The following NKD1 variants were observed in gnomAD, a reference collection of about 807,000 sequenced individuals.
NKD1 encodes the protein NKD inhibitor of Wnt signaling pathway 1, also known as protein naked cuticle homolog 1.
Under a neutral mutation model 56.0 loss-of-function variants are expected in NKD1, and 21 were observed. That is an observed-to-expected ratio of 0.38 (90% confidence interval 0.27 to 0.54). The LOEUF (loss-of-function observed/expected upper bound fraction) is 0.54, where lower values mean the gene tolerates loss of function less well. Among genes scored for constraint, NKD1 ranks in the 20% least tolerant of loss-of-function variants. The pLI, the probability that NKD1 is intolerant of heterozygous loss-of-function variation, is 0.82. For synonymous variants in NKD1, 263 were observed against 265.7 expected, an observed-to-expected ratio of 0.99 and a Z score of 0.10; for missense variants, 578 against 642.7, an observed-to-expected ratio of 0.90 and a Z score of 1.09.
At chr16:50,613,077 A>T (rs1038790678) in intron 4 of NKD1, among the ~76,000 whole-genome samples, 8 of 152,038 alleles carry the variant, frequency 5.3e-5, no homozygotes, top group African/African-American at 1.4e-4. Flanking sequence ...GAGATCAGGG[A>T]TGCATCTTAG....
At chr16:50,548,909 C>A in intron 2 of NKD1, 160 bp downstream of exon 2, 2 of 861,360 alleles carry the variant, frequency 2.3e-6, no homozygotes, top group Non-Finnish European at 2.8e-6. Flanking sequence ...CCTTCGCGCC[C>A]CCTCCTCTGT....
chr16:50,589,718 T>TCTTCC, intron 3 of NKD1, among the ~76,000 whole-genome samples: 1 of 53,266 alleles, frequency 1.9e-5, no homozygotes, highest in South Asian at 9.5e-4. Flanking sequence ...TCTTCTCTTC[T>TCTTCC]CTTCTCTTCT....
chr16:50,557,499 C>T (rs528921541), intron 3 of NKD1: 1 of 152,174 alleles, frequency 6.6e-6, no homozygotes, highest in Admixed American at 6.5e-5. Context: ...AAGTATGATA[C>T]TTTTTGTTTA....
chr16:50,595,730 A>G (rs556192024), intron 3 of NKD1, among the ~76,000 whole-genome samples: 2 of 152,190 alleles, frequency 1.3e-5, no homozygotes, highest in African/African-American at 4.8e-5. Context: ...CACTGCCATG[A>G]AGACCTTCTT....
intron 3 of NKD1, among the ~76,000 whole-genome samples, chr16:50,577,933 T>C (rs1961026041): frequency 6.6e-6 from 1 of 152,240 alleles, no homozygotes; most frequent in South Asian, 2.1e-4. Flanking sequence ...TTGAGCTTCT[T>C]ACCCCAGTGA....
At chr16:50,571,040 G>A (rs1234540088) in intron 3 of NKD1, 4 of 971,658 alleles carry the variant, frequency 4.1e-6, no homozygotes, top group African/African-American at 1.8e-5. Context: ...GGGCCAGGCT[G>A]TGCTGGACAT....
chr16:50,580,944 C>G (rs1220287628), intron 3 of NKD1, among the ~76,000 whole-genome samples: 1 of 152,142 alleles, frequency 6.6e-6, no homozygotes, highest in African/African-American at 2.4e-5. Flanking sequence ...TTCTATTTCT[C>G]TCATAGGAAA....
At chr16:50,562,611 A>G (rs1251172862) in intron 3 of NKD1, among the ~76,000 whole-genome samples, 1 of 152,186 alleles carries the variant, frequency 6.6e-6, no homozygotes, top group Non-Finnish European at 1.5e-5. Flanking sequence ...AGGACCACCT[A>G]CATCTGAATC....
At chr16:50,571,530 G>T (rs1346965665) in intron 3 of NKD1, 1 of 985,198 alleles carries the variant, frequency 1.0e-6, no homozygotes, top group Non-Finnish European at 1.2e-6. Context: ...ACCCATCTGC[G>T]CTCCCAGCCT....
In NKD1 at chr16:50,592,475, G is replaced by A. The variant is rs188942757; in HGVS notation, c.193-15819G>A. Among the ~76,000 whole-genome samples, 3 of 152,304 alleles carry A rather than the reference G, an allele frequency of 2.0e-5. No individual in the cohort carries two copies. In the East Asian group the frequency reaches 5.8e-4, roughly 29 times the overall value. On this transcript the variant is annotated intron_variant, in intron 3 of 9. Transcript: ENST00000268459. ...CAGAGAGGAGGAAGAGAGGGTTAGC[G>A]GTGTCCTTTTTTGTCTGCTATTTTA...
chr16:50,638,884 C>T lies in NKD1; in HGVS notation c.*5103C>T, dbSNP rs980627498. 1 of 152,200 alleles carries T rather than the reference C, an allele frequency of 6.6e-6. No individual in the cohort carries two copies. Among genetic ancestry groups the T allele is most frequent in the Non-Finnish European group, 1.5e-5 (1 of 68,060 alleles). The allele number at this position is 152,200 out of a possible 1,614,324, so 9.4% of individuals were successfully genotyped here. On this transcript the variant is annotated 3_prime_UTR_variant, in exon 10 of 10. Transcript: ENST00000268459. Reference sequence around the variant, plus strand: ...TGACCAGCCAATGGGATTCCTCTTCCCTCCACTGTCTCCCACAAAGTAGAA... The same window carrying T: ...TGACCAGCCAATGGGATTCCTCTTCTCTCCACTGTCTCCCACAAAGTAGAA...
chr16:50,548,831 C>A, intron 2 of NKD1, 82 bp downstream of exon 2: 2 of 1,309,018 alleles, frequency 1.5e-6, no homozygotes, highest in Non-Finnish European at 1.9e-6. Context: ...CCCGCCAGGT[C>A]TTATGACCAG....
rs536863710 is a variant in NKD1 at position 50,643,569 on chromosome 16, T to C, written c.*9788T>C. The C allele has an allele frequency of 2.0e-5, 3 of 152,316 alleles. No individual in the cohort carries two copies. In the South Asian group the frequency reaches 6.2e-4, roughly 32 times the overall value. The allele number at this position is 152,316 out of a possible 1,614,324, so 9.4% of individuals were successfully genotyped here. On this transcript the variant is annotated 3_prime_UTR_variant, in exon 10 of 10. Transcript: ENST00000268459. ...TGGTCCCCTTCATTCATAACATTGATCATGTTTGTAACTGTAGTTGATTCT... is the reference window on the plus strand; with the variant it reads ...TGGTCCCCTTCATTCATAACATTGACCATGTTTGTAACTGTAGTTGATTCT...
At chr16:50,617,965 T>G (rs1961999995) in intron 4 of NKD1, among the ~76,000 whole-genome samples, 1 of 152,148 alleles carries the variant, frequency 6.6e-6, no homozygotes, top group Non-Finnish European at 1.5e-5. Context: ...TTGCAACAGT[T>G]CAACTCTGCT....
chr16:50,591,339 G>A (rs1342192767), intron 3 of NKD1, among the ~76,000 whole-genome samples: 1 of 152,210 alleles, frequency 6.6e-6, no homozygotes, highest in Non-Finnish European at 1.5e-5. Flanking sequence ...CTGGGTTGAT[G>A]CAGAGTTGAG....
rs1962132977 is a variant in NKD1 at position 50,623,232 on chromosome 16, C to CT, written c.366+1524_366+1525insT. ...AGGGTCTCTGGTGACCGATCTTACC[C>CT]CCTTTCCAGTGTCATCTCCCTGCCA... On this transcript the variant is annotated intron_variant, in intron 5 of 9. Transcript: ENST00000268459. The surrounding 1 kb of genome is among the most constrained non-coding windows in gnomAD (Gnocchi z 4.1). Among the ~76,000 whole-genome samples the CT allele has an allele frequency of 6.6e-6, 1 of 152,004 alleles. No homozygotes were observed. The highest frequency in any genetic ancestry group is 2.4e-5 in the African/African-American group (1 of 41,406).
At chr16:50,628,398 C>G (rs368203105) in intron 6 of NKD1, among the ~76,000 whole-genome samples, 216 of 152,366 alleles carry the variant, frequency 1.4e-3, no homozygotes, top group Middle Eastern at 6.8e-3. Context: ...GTTGCCTCAG[C>G]TGCTTCAGCC....
Position 50,640,419 on chromosome 16 carries a change from T to C in NKD1, c.*6638T>C, listed in dbSNP as rs1275610696. The C allele has an allele frequency of 6.6e-6, 1 of 152,292 alleles. No individual in the cohort carries two copies. Among genetic ancestry groups the C allele is most frequent in the Non-Finnish European group, 1.5e-5 (1 of 68,066 alleles). The allele number at this position is 152,292 out of a possible 1,614,324, so 9.4% of individuals were successfully genotyped here. ...CCCTTCCCAACAAGGCCTCACTTTT[T>C]GGAGCCACCTTAGCTGGTGCCTAGG... On this transcript the variant is annotated 3_prime_UTR_variant, in exon 10 of 10. Transcript: ENST00000268459.
chr16:50,630,925 T>C lies in NKD1; in HGVS notation c.695+15T>C. ...GCCCCGCTCAGGTATGTGGGCATGGTGCACATGAGCATATGTTGAGCACCA... is the reference window on the plus strand; with the variant it reads ...GCCCCGCTCAGGTATGTGGGCATGGCGCACATGAGCATATGTTGAGCACCA... On this transcript the variant is annotated intron_variant, in intron 8 of 9. Coordinates refer to ENST00000268459, the MANE Select transcript of NKD1 (RefSeq NM_033119.5). The C allele has an allele frequency of 6.4e-7, 1 of 1,560,644 alleles. No individual in the cohort carries two copies. Among genetic ancestry groups the C allele is most frequent in the Non-Finnish European group, 8.7e-7 (1 of 1,149,382 alleles).
Sources: gnomAD v4.1 joint callset for allele counts (sites outside exome capture counted in the v4.1 genomes callset) on GRCh38, gnomAD v4.1.1 for gene constraint, Gnocchi (gnomAD v3.1) non-coding constraint, MANE v1.5 for transcripts, NCBI Gene and HGNC (gene_info 2026-07-23, HGNC 2026-07-21) for gene names.